ZFYVE1: variants seen among roughly 807,000 people sequenced by gnomAD.
ZFYVE1 encodes zinc finger FYVE domain-containing protein 1.
ZFYVE1 carries 30 observed loss-of-function variants against 74.4 expected under a neutral mutation model. The observed-to-expected ratio is 0.40, with a 90% CI of 0.30 to 0.55. The LOEUF (loss-of-function observed/expected upper bound fraction) is 0.55. Ranked by LOEUF, ZFYVE1 falls within the 20% of genes least tolerant of loss-of-function variation. The pLI is 0.42. For synonymous variants in ZFYVE1, 335 were observed against 385.1 expected, an observed-to-expected ratio of 0.87 and a Z score of 1.52; for missense variants, 703 against 1,011.6, an observed-to-expected ratio of 0.69 and a Z score of 4.14.
At chr14:73,016,293 C>T (rs1228424122) in intron 2 of ZFYVE1, among the ~76,000 whole-genome samples, 1 of 152,186 alleles carries the variant, frequency 6.6e-6, no homozygotes, top group Non-Finnish European at 1.5e-5. Context: ...AGGCGGATCA[C>T]AAGGTCAGGT....
intron 2 of ZFYVE1, among the ~76,000 whole-genome samples, chr14:73,018,430 CAAAAAA>C (rs397853346): frequency 3.6e-5 from 2 of 55,978 alleles, no homozygotes. Context: ...GACTCCATCT[CAAAAAA>C]AAAAAAAAAA....
At chr14:72,990,032 TTTAG>T (rs1307895807) in intron 4 of ZFYVE1, among the ~76,000 whole-genome samples, 8 of 152,204 alleles carry the variant, frequency 5.3e-5, no homozygotes, top group East Asian at 1.9e-4. Flanking sequence ...CTATGAAAAC[TTTAG>T]TTAGAGTCTA....
In ZFYVE1 at chr14:72,975,689, A is replaced by G; in HGVS notation, c.1668T>C (p.Ala556=). 2 of 1,614,196 alleles carry G rather than the reference A, an allele frequency of 1.2e-6. No homozygotes were observed. Among genetic ancestry groups the G allele is most frequent in the Non-Finnish European group, 1.7e-6 (2 of 1,180,036 alleles). Residue 556 remains alanine, a synonymous_variant, in exon 9 of 12, where the codon GCT becomes GCC. Coordinates refer to ENST00000556143, the MANE Select transcript of ZFYVE1 (RefSeq NM_021260.4). This position sits in a 1 kb window ranked among gnomAD's most constrained non-coding sequence, Gnocchi z 4.1. ...TCATCCCGTCCAACAGGCGCTGGGC[A>G]GCATTGTTGTTGTCCTTCAGAAACC... ...TDGFLKDNNN[A]AQRLLDGMNF... is the part of the protein sequence containing the mutation.
Position 73,023,223 on chromosome 14 carries a change from T to A in ZFYVE1, c.483+803A>T, listed in dbSNP as rs950890747. Among the ~76,000 whole-genome samples the A allele has an allele frequency of 9.4e-4, 123 of 130,842 alleles. 3 individuals are homozygous for A. The highest frequency in any genetic ancestry group is 2.4e-3 in the African/African-American group (84 of 35,504). The allele number at this position is 130,842 out of a possible 152,430, so 85.8% of individuals were successfully genotyped here. ...TATATGTTTTATATATAATATATAT[T>A]TTATATGTTTTATATGTAATATATA... On this transcript the variant is annotated intron_variant, in intron 2 of 11. Transcript: ENST00000556143.
intron 8 of ZFYVE1, 127 bp downstream of exon 8, chr14:72,977,800 T>C: frequency 9.5e-7 from 1 of 1,048,242 alleles, no homozygotes; most frequent in Non-Finnish European, 1.4e-6. Flanking sequence ...AGATCATGCC[T>C]TTCTAAACCG....
intron 2 of ZFYVE1, among the ~76,000 whole-genome samples, chr14:73,012,265 C>T (rs959800235): frequency 1.3e-5 from 2 of 152,122 alleles, no homozygotes; most frequent in South Asian, 4.1e-4. Context: ...AATTATAGTG[C>T]ACCCAATGAC....
Position 73,027,060 on chromosome 14 carries a change from C to G in ZFYVE1, c.-569G>C, listed in dbSNP as rs1224470498. On this transcript the variant is annotated 5_prime_UTR_variant, in exon 1 of 12. Transcript: ENST00000556143. ...GCCACCCTCCTCCTTCGTTGCCTCC[C>G]GGGCTTCCTCCTCTCCTGTTGTCAG... 7.5e-6 allele frequency: 3 copies of G among 399,296 alleles called. No individual in the cohort carries two copies. The highest frequency in any genetic ancestry group is 4.4e-6 in the Non-Finnish European group (1 of 226,708). 24.7% of individuals were successfully genotyped at this position (399,296 alleles called of 1,614,324 possible).
At chr14:72,994,679 C>T (rs1465908710) in intron 3 of ZFYVE1, among the ~76,000 whole-genome samples, 1 of 152,130 alleles carries the variant, frequency 6.6e-6, no homozygotes, top group East Asian at 1.9e-4. Context: ...ACCTACTTCC[C>T]GAAAGTAACC....
At chr14:72,979,111 G>C (rs1306113682) in intron 5 of ZFYVE1, 142 bp from the exon 6 acceptor site, 17 of 706,430 alleles carry the variant, frequency 2.4e-5, no homozygotes, top group Non-Finnish European at 4.0e-5. Context: ...ACACAGAAAG[G>C]GTAGCCGGAA....
intron 2 of ZFYVE1, among the ~76,000 whole-genome samples, chr14:73,013,641 A>T (rs577646380): frequency 3.9e-5 from 6 of 152,058 alleles, no homozygotes; most frequent in African/African-American, 1.4e-4. Flanking sequence ...GGGAAAATGA[A>T]CAAAATATTC....
At position 72,975,051 on chromosome 14, in the gene ZFYVE1, A is replaced by C; in HGVS notation, c.1807-92T>G. ...GTCAACAAGACCCCGGAGCAAGCAG[A>C]AACTAAGGCAGGTGGCGTTAGCTCA... is the stretch of plus-strand genomic sequence containing the variant. On this transcript the variant is annotated intron_variant, in intron 9 of 11. Coordinates refer to ENST00000556143, the MANE Select transcript of ZFYVE1 (RefSeq NM_021260.4). The surrounding 1 kb of genome is among the most constrained non-coding windows in gnomAD (Gnocchi z 4.1). 3 of 1,410,422 alleles carry C rather than the reference A, an allele frequency of 2.1e-6. No individual in the cohort carries two copies. Among genetic ancestry groups the C allele is most frequent in the Non-Finnish European group, 1.9e-6 (2 of 1,049,400 alleles). 87.4% of individuals were successfully genotyped at this position (1,410,422 alleles called of 1,614,324 possible).
In ZFYVE1 at chr14:73,017,852, A is replaced by G. The variant is rs1409692217; in HGVS notation, c.483+6174T>C. ...ATACATCAGTCTCTATCAGGTCACTATAGCTTCTATCAGGTCCTGTGACTT... is the reference window on the plus strand; with the variant it reads ...ATACATCAGTCTCTATCAGGTCACTGTAGCTTCTATCAGGTCCTGTGACTT... On this transcript the variant is annotated intron_variant, in intron 2 of 11. Coordinates refer to ENST00000556143, the MANE Select transcript of ZFYVE1 (RefSeq NM_021260.4). 2.0e-5 allele frequency among the ~76,000 whole-genome samples: 3 copies of G among 152,268 alleles called. No homozygotes were observed. In the East Asian group the frequency reaches 5.8e-4, roughly 29 times the overall value.
rs1447268642 is a variant in ZFYVE1, at chr14:73,027,080, T to A, written c.-589A>T. On this transcript the variant is annotated 5_prime_UTR_variant, in exon 1 of 12. Transcript: ENST00000556143. The stretch of plus-strand genomic sequence containing the variant: ...CCTCCCGGGCTTCCTCCTCTCCTGT[T>A]GTCAGTTGGGATCAGCTGATCGGAG... 2 of 399,092 alleles carry A rather than the reference T, an allele frequency of 5.0e-6. No homozygotes were observed. Among genetic ancestry groups the A allele is most frequent in the African/African-American group, 2.1e-5 (1 of 48,646 alleles). 24.7% of individuals were successfully genotyped at this position (399,092 alleles called of 1,614,324 possible). A position where few individuals can be genotyped will look rare whatever the true frequency, so the allele number is the denominator to read the frequency against.
intron 3 of ZFYVE1, 26 bp downstream of exon 3, chr14:72,997,785 C>T (rs1323802477): frequency 1.3e-6 from 2 of 1,554,302 alleles, no homozygotes; most frequent in Non-Finnish European, 1.7e-6. Context: ...AAAGGTTGAG[C>T]TGTGACACTG....
At chr14:73,015,405 G>C (rs1426384938) in intron 2 of ZFYVE1, among the ~76,000 whole-genome samples, 2 of 244 alleles carry the variant, frequency 8.2e-3, no homozygotes, top group Non-Finnish European at 0.028. Flanking sequence ...GGGAAGGAAG[G>C]GGGGGGAAGG....
chr14:72,975,854 A>C lies in ZFYVE1; in HGVS notation c.1636-133T>G, dbSNP rs1218807695. 2.1e-6 allele frequency: 2 copies of C among 975,506 alleles called. No individual in the cohort carries two copies. The highest frequency in any genetic ancestry group is 1.7e-5 in the South Asian group (1 of 60,496). 60.4% of individuals were successfully genotyped at this position (975,506 alleles called of 1,614,324 possible). Reference sequence around the variant, plus strand: ...CTAACTCCCTGGCAGGGAAGAACGGAGACACACCAGGAATCCCTCTGGCTT... The same window carrying C: ...CTAACTCCCTGGCAGGGAAGAACGGCGACACACCAGGAATCCCTCTGGCTT... On this transcript the variant is annotated intron_variant, in intron 8 of 11. Transcript: ENST00000556143. The surrounding 1 kb of genome is among the most constrained non-coding windows in gnomAD (Gnocchi z 4.1).
In ZFYVE1 at chr14:72,970,541, G is replaced by A. The variant is rs1893005057; in HGVS notation, c.*341C>T. Reference sequence around the variant, plus strand: ...CCCTGTGCGGAGGAGACTGTGCGAAGTCTTCACAGCCAGCAGCAGCCTCGA... The same window carrying A: ...CCCTGTGCGGAGGAGACTGTGCGAAATCTTCACAGCCAGCAGCAGCCTCGA... On this transcript the variant is annotated 3_prime_UTR_variant, in exon 12 of 12. Transcript: ENST00000556143. 2 of 292,414 alleles carry A rather than the reference G, an allele frequency of 6.8e-6. No homozygotes were observed. Among genetic ancestry groups the A allele is most frequent in the East Asian group, 8.1e-5 (1 of 12,310 alleles). 18.1% of individuals were successfully genotyped at this position (292,414 alleles called of 1,614,324 possible). A position where few individuals can be genotyped will look rare whatever the true frequency, so the allele number is the denominator to read the frequency against.
intron 4 of ZFYVE1, among the ~76,000 whole-genome samples, chr14:72,983,067 A>C (rs1594836408): frequency 1.3e-5 from 2 of 151,538 alleles, no homozygotes; most frequent in Admixed American, 1.3e-4. Context: ...CTGGTCTTGA[A>C]CTCCAGGCCT....
At chr14:73,026,133 GAAA>G (rs1309344308) in intron 1 of ZFYVE1, among the ~76,000 whole-genome samples, 2 of 95,696 alleles carry the variant, frequency 2.1e-5, no homozygotes. Context: ...TTCACTAACT[GAAA>G]AAAAAAAAAA....
Sources: allele counts gnomAD v4.1 joint callset (sites outside exome capture counted in the v4.1 genomes callset), GRCh38; gene constraint gnomAD v4.1.1; non-coding constraint Gnocchi (gnomAD v3.1); transcripts MANE v1.5; gene names NCBI Gene and HGNC (gene_info 2026-07-23, HGNC 2026-07-21).